The following KCNIP3 variants were observed in gnomAD, a reference collection of about 807,000 sequenced individuals.
KCNIP3 encodes calsenilin.
Under a neutral mutation model 35.0 loss-of-function variants are expected in KCNIP3, and 28 were observed. The observed-to-expected ratio is 0.80, with a 90% confidence interval of 0.59 to 1.10. KCNIP3 has a LOEUF of 1.10. KCNIP3 is among the 50% of genes least tolerant of loss of function. KCNIP3 has a pLI of 0.00. For synonymous variants in KCNIP3, 134 were observed against 133.8 expected (o/e 1.00, Z -0.01); for missense variants, 295 against 338.4 (o/e 0.87, Z 1.01).
chr2:95,326,199 G>T (rs897000054), intron 2 of KCNIP3, among the ~76,000 whole-genome samples: 1 of 144,988 alleles, frequency 6.9e-6, no homozygotes, highest in Admixed American at 6.9e-5. Context: ...ACACATACAC[G>T]CACTCATATA....
chr2:95,347,483 A>G (rs1573504650), intron 2 of KCNIP3, among the ~76,000 whole-genome samples: 2 of 152,302 alleles, frequency 1.3e-5, no homozygotes, highest in East Asian at 1.9e-4. Flanking sequence ...CCCTCAGCCC[A>G]GGGCACCTGG....
chr2:95,307,106 G>A (rs989287426), intron 1 of KCNIP3, among the ~76,000 whole-genome samples: 2 of 152,306 alleles, frequency 1.3e-5, no homozygotes, highest in Non-Finnish European at 2.9e-5. Flanking sequence ...AAAGAGGGGT[G>A]CCCATCATGG....
intron 2 of KCNIP3, among the ~76,000 whole-genome samples, chr2:95,343,593 A>G (rs895076895): frequency 3.3e-5 from 5 of 152,172 alleles, no homozygotes; most frequent in African/African-American, 1.2e-4. Context: ...GGTGGTCAGG[A>G]ACAGTTAGCA....
chr2:95,366,018 G>A (rs934011654), intron 2 of KCNIP3, among the ~76,000 whole-genome samples: 2 of 151,994 alleles, frequency 1.3e-5, no homozygotes, highest in Non-Finnish European at 2.9e-5. Flanking sequence ...TGGGGTCTCT[G>A]TCGCCCAGAC....
At chr2:95,349,321 C>T (rs1272062436) in intron 2 of KCNIP3, among the ~76,000 whole-genome samples, 1 of 152,178 alleles carries the variant, frequency 6.6e-6, no homozygotes, top group African/African-American at 2.4e-5. Flanking sequence ...TCCAAGTCTG[C>T]GTGTGTGCAG....
At position 95,325,127 on chromosome 2, in the gene KCNIP3, C is replaced by G. The variant is rs535446210; in HGVS notation, c.181+14607C>G. Among the ~76,000 whole-genome samples the G allele has an allele frequency of 2.0e-5, 3 of 152,240 alleles. No homozygotes were observed. In the East Asian group the frequency reaches 5.8e-4, roughly 30 times the overall value. ...GCTGGGCCCCTGCCAGCCTTTGGAG[C>G]AAGGTGCAGCCACGCTGGTGGGGTC... is the stretch of plus-strand genomic sequence containing the variant. On this transcript the variant is annotated intron_variant, in intron 2 of 8. Coordinates refer to ENST00000295225, the MANE Select transcript of KCNIP3 (RefSeq NM_013434.5).
intron 2 of KCNIP3, among the ~76,000 whole-genome samples, chr2:95,316,963 G>C (rs1678473415): frequency 6.6e-6 from 1 of 152,262 alleles, no homozygotes; most frequent in Non-Finnish European, 1.5e-5. Flanking sequence ...GTGGAGGGCA[G>C]GGGGTTGGTC....
intron 7 of KCNIP3, 93 bp from the exon 8 acceptor site, chr2:95,383,139 A>T: frequency 4.2e-6 from 1 of 235,868 alleles, no homozygotes; most frequent in Non-Finnish European, 8.7e-6. Flanking sequence ...CCACCCGCCC[A>T]TCCACCCACC....
intron 1 of KCNIP3, among the ~76,000 whole-genome samples, chr2:95,305,915 C>G (rs1220349485): frequency 6.6e-6 from 1 of 152,202 alleles, no homozygotes; most frequent in Admixed American, 6.5e-5. Flanking sequence ...TGGGTTGCTT[C>G]CAGTATGGGG....
chr2:95,331,190 G>A (rs1573495517), intron 2 of KCNIP3, among the ~76,000 whole-genome samples: 4 of 152,114 alleles, frequency 2.6e-5, no homozygotes, highest in Admixed American at 1.3e-4. Flanking sequence ...CAGCGGAGGC[G>A]GGAGGGAGCA....
At chr2:95,338,574 C>T (rs1411720444) in intron 2 of KCNIP3, among the ~76,000 whole-genome samples, 3 of 152,210 alleles carry the variant, frequency 2.0e-5, no homozygotes, top group African/African-American at 7.2e-5. Flanking sequence ...AACTATATCA[C>T]ATGGCCATCT....
At chr2:95,310,671 A>G (rs773186716) in intron 2 of KCNIP3, 151 bp downstream of exon 2, 2 of 802,596 alleles carry the variant, frequency 2.5e-6, no homozygotes, top group Admixed American at 4.4e-5. Flanking sequence ...ATTCATTCAC[A>G]CCCTTCCCCA....
At chr2:95,355,769 G>A (rs1159748177) in intron 2 of KCNIP3, among the ~76,000 whole-genome samples, 2 of 152,098 alleles carry the variant, frequency 1.3e-5, no homozygotes, top group African/African-American at 2.4e-5. Context: ...GGTTGGTTCC[G>A]AGTCTTTGCT....
chr2:95,341,234 G>A (rs1472728040), intron 2 of KCNIP3, among the ~76,000 whole-genome samples: 2 of 152,150 alleles, frequency 1.3e-5, no homozygotes, highest in Non-Finnish European at 2.9e-5. Context: ...TTAAAAGTGT[G>A]TGGCACCTCC....
intron 2 of KCNIP3, among the ~76,000 whole-genome samples, chr2:95,331,722 G>A (rs1336122541): frequency 2.0e-5 from 3 of 152,170 alleles, no homozygotes; most frequent in Non-Finnish European, 4.4e-5. Flanking sequence ...CGGTAGCCAC[G>A]AGGGCTCCCA....
At chr2:95,327,061 C>T (rs1047653899) in intron 2 of KCNIP3, among the ~76,000 whole-genome samples, 3 of 152,216 alleles carry the variant, frequency 2.0e-5, no homozygotes, top group Admixed American at 6.5e-5. Flanking sequence ...ACTCTCTTGC[C>T]GGAGGACTGA....
chr2:95,334,905 G>A (rs774973471), intron 2 of KCNIP3, among the ~76,000 whole-genome samples: 4 of 152,132 alleles, frequency 2.6e-5, no homozygotes, highest in Non-Finnish European at 5.9e-5. Flanking sequence ...AGACAGATTC[G>A]TTCCCCTGAC....
chr2:95,359,546 C>G (rs1038411055), intron 2 of KCNIP3, among the ~76,000 whole-genome samples: 8 of 152,180 alleles, frequency 5.3e-5, no homozygotes, highest in Non-Finnish European at 1.2e-4. Flanking sequence ...ATGTTGCTAG[C>G]CGGTCACGCT....
intron 1 of KCNIP3, among the ~76,000 whole-genome samples, chr2:95,309,141 C>T (rs559941922): frequency 6.6e-6 from 1 of 152,296 alleles, no homozygotes; most frequent in Admixed American, 6.5e-5. Flanking sequence ...CCAGACCACA[C>T]CTGTCCCCCT....
Sources: gnomAD v4.1 joint callset for allele counts (sites outside exome capture counted in the v4.1 genomes callset) on GRCh38, gnomAD v4.1.1 for gene constraint, MANE v1.5 for transcripts, NCBI Gene and HGNC (gene_info 2026-07-23, HGNC 2026-07-21) for gene names.